CNTN4: variants seen among roughly 807,000 people sequenced by gnomAD.
CNTN4 encodes the protein contactin-4.
In CNTN4, 77 loss-of-function variants were observed where a neutral mutation model predicts 122.5. That is an observed-to-expected ratio of 0.63 (90% CI 0.52 to 0.76). The LOEUF (loss-of-function observed/expected upper bound fraction) is 0.76, where lower values mean the gene tolerates loss of function less well. Among genes scored for constraint, CNTN4 ranks in the 30% least tolerant of loss-of-function variants. The probability of loss-of-function intolerance (pLI) is 0.00; values close to 1 mark genes in which losing one functional copy is unlikely to be tolerated. For missense variants in CNTN4, 1,256 were observed against 1,259.1 expected (o/e 1.00, Z 0.04); for synonymous variants, 512 against 447.0 (o/e 1.15, Z -1.83).
intron 12 of CNTN4, among the ~76,000 whole-genome samples, chr3:2,914,187 G>A (rs2094330371): frequency 6.6e-6 from 1 of 152,080 alleles, no homozygotes; most frequent in African/African-American, 2.4e-5. Context: ...AATGATACAT[G>A]CTTACATTAA....
intron 2 of CNTN4, among the ~76,000 whole-genome samples, chr3:2,278,012 A>G (rs537900465): frequency 6.6e-6 from 1 of 152,256 alleles, no homozygotes; most frequent in Admixed American, 6.5e-5. Context: ...GAAGGTTGCA[A>G]CTTGTAAAGT....
intron 7 of CNTN4, among the ~76,000 whole-genome samples, chr3:2,848,364 C>T (rs2093490934): frequency 6.6e-6 from 1 of 152,154 alleles, no homozygotes; most frequent in Non-Finnish European, 1.5e-5. Flanking sequence ...CAGAGCAGGA[C>T]TCATGGAAGG....
intron 7 of CNTN4, among the ~76,000 whole-genome samples, chr3:2,844,049 C>T (rs1178115988): frequency 6.6e-6 from 1 of 152,186 alleles, no homozygotes; most frequent in South Asian, 2.1e-4. Context: ...GTTCCATATA[C>T]TGTTTCTCAA....
intron 3 of CNTN4, among the ~76,000 whole-genome samples, chr3:2,552,355 AG>A (rs1435899349): frequency 2.0e-4 from 30 of 152,328 alleles, no homozygotes; most frequent in African/African-American, 6.3e-4. Context: ...TTTAAAGAAA[AG>A]GTAAAAGAAT....
chr3:2,869,832 C>T (rs67168157), intron 8 of CNTN4, among the ~76,000 whole-genome samples: 2,269 of 152,280 alleles, frequency 0.015, 33 homozygotes, highest in Non-Finnish European at 0.025. Context: ...TTCTTATCAG[C>T]TTAAAGAGAA....
intron 6 of CNTN4, among the ~76,000 whole-genome samples, chr3:2,779,190 C>G (rs559085877): frequency 6.6e-6 from 1 of 152,206 alleles, no homozygotes; most frequent in East Asian, 1.9e-4. Context: ...GTTGAAATGG[C>G]TTGAATCTTA....
At chr3:2,335,217 T>G (rs1250012679) in intron 2 of CNTN4, among the ~76,000 whole-genome samples, 1 of 152,166 alleles carries the variant, frequency 6.6e-6, no homozygotes, top group Non-Finnish European at 1.5e-5. Context: ...GTGATTTTAT[T>G]TAGTTTATAA....
At chr3:2,214,796 A>G (rs2038768832) in intron 2 of CNTN4, among the ~76,000 whole-genome samples, 1 of 152,130 alleles carries the variant, frequency 6.6e-6, no homozygotes, top group Admixed American at 6.6e-5. Context: ...AAAAAATCTC[A>G]GTGAGTATAC....
chr3:2,273,329 A>G (rs1041092288), intron 2 of CNTN4, among the ~76,000 whole-genome samples: 1 of 152,160 alleles, frequency 6.6e-6, no homozygotes, highest in Non-Finnish European at 1.5e-5. Context: ...CTTCAGTCCT[A>G]TTCTGTGTAT....
chr3:2,145,732 A>C (rs2035213661), intron 2 of CNTN4, among the ~76,000 whole-genome samples: 1 of 152,202 alleles, frequency 6.6e-6, no homozygotes, highest in African/African-American at 2.4e-5. Context: ...CTATTTGTTG[A>C]ACATTTTCTA....
intron 2 of CNTN4, among the ~76,000 whole-genome samples, chr3:2,146,390 T>C (rs1316277845): frequency 6.6e-6 from 1 of 151,994 alleles, no homozygotes; most frequent in East Asian, 1.9e-4. Flanking sequence ...TCTATAGTAA[T>C]ATCTATGCAT....
At chr3:3,043,856 G>A in intron 23 of CNTN4, 152 bp downstream of exon 23, 3 of 686,842 alleles carry the variant, frequency 4.4e-6, no homozygotes, top group Admixed American at 4.2e-5. Flanking sequence ...TTTGATCTGA[G>A]TTGTATAAAT....
chr3:3,015,790 C>G (rs1452615918), intron 14 of CNTN4, among the ~76,000 whole-genome samples: 3 of 152,192 alleles, frequency 2.0e-5, no homozygotes, highest in African/African-American at 7.2e-5. Context: ...ATTCATTGTC[C>G]TTGCCTCAAG....
At chr3:2,927,085 A>G (rs971005650) in intron 13 of CNTN4, among the ~76,000 whole-genome samples, 2 of 152,174 alleles carry the variant, frequency 1.3e-5, no homozygotes, top group African/African-American at 4.8e-5. Flanking sequence ...TACCACATGT[A>G]TTTCTCAGAA....
chr3:2,731,383 G>T (rs1051557389), intron 4 of CNTN4, among the ~76,000 whole-genome samples: 3 of 152,140 alleles, frequency 2.0e-5, no homozygotes, highest in African/African-American at 7.2e-5. Flanking sequence ...CTGGTAGTCT[G>T]ATAGAAGTTA....
intron 3 of CNTN4, among the ~76,000 whole-genome samples, chr3:2,538,442 T>C (rs1332903511): frequency 1.3e-5 from 2 of 152,148 alleles, no homozygotes; most frequent in Non-Finnish European, 2.9e-5. Flanking sequence ...ATTTTGGATA[T>C]TCTTCTGTGT....
intron 2 of CNTN4, among the ~76,000 whole-genome samples, chr3:2,335,800 G>A (rs893537296): frequency 6.6e-6 from 1 of 152,014 alleles, no homozygotes; most frequent in Non-Finnish European, 1.5e-5. Context: ...ATCAACTGAG[G>A]TATCATTAGA....
At chr3:2,421,509 T>C (rs9968128) in intron 3 of CNTN4, among the ~76,000 whole-genome samples, 140,184 of 152,224 alleles carry the variant, frequency 0.92, 64,560 homozygotes, top group East Asian at 0.98. Flanking sequence ...ACCTTGGTCT[T>C]CCAAAGAGCT....
chr3:2,862,212 T>A (rs1281838549), intron 7 of CNTN4, among the ~76,000 whole-genome samples: 1 of 152,216 alleles, frequency 6.6e-6, no homozygotes, highest in Admixed American at 6.5e-5. Flanking sequence ...CGAAGCATAA[T>A]ATAGCTCTAG....
Sources: allele counts gnomAD v4.1 joint callset (sites outside exome capture counted in the v4.1 genomes callset), GRCh38; gene constraint gnomAD v4.1.1; transcripts MANE v1.5; gene names NCBI Gene and HGNC (gene_info 2026-07-23, HGNC 2026-07-21).